ELF1: variants seen among roughly 807,000 people sequenced by gnomAD.
The protein encoded by ELF1 is ETS-related transcription factor Elf-1.
ELF1 carries 24 observed loss-of-function variants against 59.9 expected under a neutral mutation model. The observed-to-expected ratio is 0.40, with a 90% confidence interval of 0.29 to 0.56. The LOEUF (loss-of-function observed/expected upper bound fraction) is 0.56, where lower values mean the gene tolerates loss of function less well. Among genes scored for constraint, ELF1 ranks in the 20% least tolerant of loss-of-function variants. ELF1 has a pLI of 0.44. For synonymous variants in ELF1, 248 were observed against 266.2 expected (o/e 0.93, Z 0.67); for missense variants, 627 against 742.2 (o/e 0.84, Z 1.80).
intron 1 of ELF1, among the ~76,000 whole-genome samples, chr13:40,987,146 C>G (rs1404377894): frequency 1.3e-5 from 2 of 149,856 alleles, no homozygotes; most frequent in Non-Finnish European, 3.0e-5. Flanking sequence ...CCGTGTTAGC[C>G]AGGATGGTCT....
intron 1 of ELF1, among the ~76,000 whole-genome samples, chr13:41,016,254 A>T (rs1875353620): frequency 6.6e-6 from 1 of 152,150 alleles, no homozygotes; most frequent in African/African-American, 2.4e-5. Flanking sequence ...ACTGTGGACG[A>T]TTTCGCACCG....
chr13:40,952,681 C>T (rs1392516128), intron 3 of ELF1, among the ~76,000 whole-genome samples: 2 of 152,072 alleles, frequency 1.3e-5, no homozygotes, highest in Non-Finnish European at 2.9e-5. Context: ...CAGGTGTGAG[C>T]CGCTGCATCT....
intron 1 of ELF1, among the ~76,000 whole-genome samples, chr13:40,996,947 T>C (rs996766173): frequency 2.6e-5 from 4 of 152,190 alleles, no homozygotes; most frequent in Non-Finnish European, 2.9e-5. Flanking sequence ...ACCCAATATA[T>C]ACTACCTCTT....
intron 2 of ELF1, among the ~76,000 whole-genome samples, chr13:40,973,226 C>G (rs1377827344): frequency 6.6e-6 from 1 of 152,150 alleles, no homozygotes; most frequent in Non-Finnish European, 1.5e-5. Flanking sequence ...GGTCTCGTAT[C>G]TTCAGTACTT....
intron 1 of ELF1, among the ~76,000 whole-genome samples, chr13:41,005,260 G>A (rs931615848): frequency 6.6e-6 from 1 of 151,974 alleles, no homozygotes; most frequent in Non-Finnish European, 1.5e-5. Context: ...CTCATTTATA[G>A]TCTTTTGAAG....
In ELF1 at chr13:40,933,719, C is replaced by T; in HGVS notation, c.1566G>A (p.Val522=). ...TAGCACTGAAGGATGGAGAGGAAGC[C>T]ACACTGACGGTTCCATTGCAAATGG... is the stretch of plus-strand genomic sequence containing the variant. ...VQTICNGTVS[V]ASSPSFSATA... is the part of the protein sequence containing the mutation. Residue 522 remains valine, a synonymous_variant, in exon 9 of 9, where the codon GTG becomes GTA. Coordinates refer to ENST00000239882, the MANE Select transcript of ELF1 (RefSeq NM_172373.4). 1 of 1,614,240 alleles carries T rather than the reference C, an allele frequency of 6.2e-7. No individual in the cohort carries two copies. Among genetic ancestry groups the T allele is most frequent in the Non-Finnish European group, 8.5e-7 (1 of 1,180,040 alleles).
chr13:41,006,155 T>C (rs1254966601), intron 1 of ELF1, among the ~76,000 whole-genome samples: 1 of 138,720 alleles, frequency 7.2e-6, no homozygotes, highest in Non-Finnish European at 1.7e-5. Flanking sequence ...ATGAATGGCT[T>C]TGAAAAACGA....
Position 40,933,543 on chromosome 13 carries a change from T to C in ELF1, c.1742A>G (p.Asn581Ser), listed in dbSNP as rs759798230. ...TGGCTGCTGCTCCGTTTTCTCAGTG[T>C]TCTCTTTCAAATGATCTTCAGATTC... The part of the protein sequence containing the change: ...KKESEDHLKE[N>S]TEKTEQQPQP... Residue 581 changes from asparagine to serine, a missense_variant, in exon 9 of 9, where the codon AAC (asparagine) becomes AGC (serine). Coordinates refer to ENST00000239882, the MANE Select transcript of ELF1 (RefSeq NM_172373.4). 1.2e-6 allele frequency: 2 copies of C among 1,614,262 alleles called. No individual in the cohort carries two copies. Among genetic ancestry groups the C allele is most frequent in the East Asian group, 4.5e-5 (2 of 44,888 alleles).
At chr13:41,033,258 G>T (rs1260423142) in intron 1 of ELF1, among the ~76,000 whole-genome samples, 3 of 152,134 alleles carry the variant, frequency 2.0e-5, no homozygotes, top group African/African-American at 7.2e-5. Flanking sequence ...CTATTGACTA[G>T]TTTTTAACTT....
At chr13:40,949,395 T>C (rs932802663) in intron 5 of ELF1, among the ~76,000 whole-genome samples, 70 of 152,336 alleles carry the variant, frequency 4.6e-4, no homozygotes, top group Admixed American at 3.0e-3. Context: ...TCTCAGTCTG[T>C]TGCCCAGGCT....
chr13:40,974,436 GAA>G (rs1872779464), intron 2 of ELF1, among the ~76,000 whole-genome samples: 1 of 152,174 alleles, frequency 6.6e-6, no homozygotes, highest in Non-Finnish European at 1.5e-5. Context: ...TAGTAGCTAT[GAA>G]ATTACAGGCA....
At chr13:40,955,843 CTACT>C in intron 3 of ELF1, among the ~76,000 whole-genome samples, 1 of 89,546 alleles carries the variant, frequency 1.1e-5, no homozygotes, top group African/African-American at 5.8e-5. Context: ...CCGGCCACCC[CTACT>C]GGGAAGAGAG....
At chr13:40,952,368 CTTT>C (rs35141791) in intron 3 of ELF1, among the ~76,000 whole-genome samples, 3 of 146,246 alleles carry the variant, frequency 2.1e-5, no homozygotes, top group Non-Finnish European at 4.5e-5. Context: ...TTTGGTTTTG[CTTT>C]TTTTTTTTGA....
chr13:40,949,323 G>T (rs556361709), intron 5 of ELF1, among the ~76,000 whole-genome samples: 3 of 151,774 alleles, frequency 2.0e-5, no homozygotes, highest in South Asian at 4.2e-4. Flanking sequence ...ATTCTACTAT[G>T]AAGAAATACC....
chr13:40,996,020 TAACA>T (rs1220857410), intron 1 of ELF1, among the ~76,000 whole-genome samples: 1 of 152,140 alleles, frequency 6.6e-6, no homozygotes, highest in Non-Finnish European at 1.5e-5. Flanking sequence ...CCAAAGACCT[TAACA>T]GACACCTCAG....
chr13:40,940,386 G>GAAAAAAAAAAAAA (rs375400990), intron 8 of ELF1, among the ~76,000 whole-genome samples: 3 of 109,894 alleles, frequency 2.7e-5, no homozygotes, highest in East Asian at 5.1e-4. Context: ...TGATTTAACT[G>GAAAAAAAAAAAAA]AAAAAAAAAA....
At chr13:41,013,405 A>G (rs1875189678) in intron 1 of ELF1, among the ~76,000 whole-genome samples, 1 of 152,206 alleles carries the variant, frequency 6.6e-6, no homozygotes, top group Non-Finnish European at 1.5e-5. Flanking sequence ...ATGGAATACT[A>G]TATTGCAACG....
intron 5 of ELF1, among the ~76,000 whole-genome samples, chr13:40,945,980 A>G (rs1283426349): frequency 1.3e-5 from 2 of 152,138 alleles, no homozygotes; most frequent in Non-Finnish European, 2.9e-5. Flanking sequence ...AGTAGCTGGG[A>G]TTACAGGCAC....
chr13:41,039,555 T>C (rs1195482585), intron 1 of ELF1, among the ~76,000 whole-genome samples: 2 of 152,150 alleles, frequency 1.3e-5, no homozygotes, highest in African/African-American at 4.8e-5. Flanking sequence ...CTTGGACCCT[T>C]CATCAAAAGA....
Sources: gnomAD v4.1 joint callset for allele counts (sites outside exome capture counted in the v4.1 genomes callset) on GRCh38, gnomAD v4.1.1 for gene constraint, MANE v1.5 for transcripts, NCBI Gene and HGNC (gene_info 2026-07-23, HGNC 2026-07-21) for gene names.